Variants in HDAC11 observed in about 807,000 individuals in gnomAD.
HDAC11 encodes histone deacetylase 11.
Under a neutral mutation model 41.1 loss-of-function variants are expected in HDAC11, and 23 were observed. That is an observed-to-expected ratio of 0.56 (90% confidence interval 0.40 to 0.79). The LOEUF (loss-of-function observed/expected upper bound fraction) is 0.79. Among genes scored for constraint, HDAC11 ranks in the 30% least tolerant of loss-of-function variants. HDAC11 has a pLI of 0.00. For missense variants in HDAC11, 402 were observed against 477.3 expected (o/e 0.84, Z 1.47); for synonymous variants, 187 against 186.6 (o/e 1.00, Z -0.02).
At chr3:13,489,169 C>A (rs904493769) in intron 3 of HDAC11, among the ~76,000 whole-genome samples, 3 of 152,128 alleles carry the variant, frequency 2.0e-5, no homozygotes, top group African/African-American at 7.2e-5. Context: ...GTAAATAACT[C>A]CTCCCATTCT....
intron 3 of HDAC11, among the ~76,000 whole-genome samples, chr3:13,485,632 A>T (rs1701523835): frequency 6.6e-6 from 1 of 152,154 alleles, no homozygotes; most frequent in South Asian, 2.1e-4. Flanking sequence ...ATATATAATA[A>T]TACAAAATAG....
chr3:13,496,944 TTAG>T (rs1364280649), intron 4 of HDAC11, 92 bp downstream of exon 4: 4 of 588,484 alleles, frequency 6.8e-6, no homozygotes, highest in Admixed American at 3.9e-5. Flanking sequence ...CTCCTCCCAC[TTAG>T]TAGTTGAACA....
intron 5 of HDAC11, among the ~76,000 whole-genome samples, chr3:13,498,932 C>T (rs1413640682): frequency 6.6e-6 from 1 of 152,102 alleles, no homozygotes; most frequent in African/African-American, 2.4e-5. Context: ...AAGGACTCCA[C>T]CTGTGTCCTG....
chr3:13,489,465 G>C (rs1291584701), intron 3 of HDAC11, among the ~76,000 whole-genome samples: 1 of 152,158 alleles, frequency 6.6e-6, no homozygotes, highest in Non-Finnish European at 1.5e-5. Context: ...CCATTTGTTA[G>C]GCTGTTTTTC....
At chr3:13,484,609 C>T (rs1474503523) in intron 3 of HDAC11, among the ~76,000 whole-genome samples, 1 of 152,204 alleles carries the variant, frequency 6.6e-6, no homozygotes, top group Non-Finnish European at 1.5e-5. Flanking sequence ...TCACTGTAAC[C>T]TCCGCCTCCC....
chr3:13,500,490 G>T (rs1238034322), intron 5 of HDAC11, among the ~76,000 whole-genome samples: 1 of 152,196 alleles, frequency 6.6e-6, no homozygotes, highest in Non-Finnish European at 1.5e-5. Context: ...GGTGTGAGTG[G>T]CACTGAGGAC....
intron 3 of HDAC11, among the ~76,000 whole-genome samples, chr3:13,489,453 CA>C (rs1701746692): frequency 6.6e-6 from 1 of 152,230 alleles, no homozygotes; most frequent in South Asian, 2.1e-4. Context: ...GTTATCCCAG[CA>C]CCATTTGTTA....
chr3:13,488,938 C>G (rs959825788), intron 3 of HDAC11, among the ~76,000 whole-genome samples: 4 of 151,900 alleles, frequency 2.6e-5, no homozygotes, highest in Non-Finnish European at 5.9e-5. Flanking sequence ...TTTTTCCCCC[C>G]CAGTGTGGCC....
chr3:13,503,014 G>C (rs1559381731), intron 8 of HDAC11, 34 bp downstream of exon 8: 1 of 1,533,566 alleles, frequency 6.5e-7, no homozygotes, highest in Non-Finnish European at 9.0e-7. Flanking sequence ...TCTTGGGTGT[G>C]TCCTTGTGGA....
At chr3:13,486,094 C>T (rs953635114) in intron 3 of HDAC11, among the ~76,000 whole-genome samples, 9 of 151,664 alleles carry the variant, frequency 5.9e-5, no homozygotes, top group African/African-American at 1.7e-4. Flanking sequence ...ATGGAGAAAC[C>T]CTGTCTCTAC....
Position 13,498,471 on chromosome 3 carries a change from A to G in HDAC11, c.370-42A>G, listed in dbSNP as rs550641163. 44 of 1,613,110 alleles carry G rather than the reference A, an allele frequency of 2.7e-5. No individual in the cohort carries two copies. In the East Asian group the frequency reaches 9.4e-4, roughly 34 times the overall value. Reference sequence around the variant, plus strand: ...GAATCAGTGAATGAATGACTGGTGGATCGGCTGCCTGCGCCCCCTCACCCT... The same window carrying G: ...GAATCAGTGAATGAATGACTGGTGGGTCGGCTGCCTGCGCCCCCTCACCCT... On this transcript the variant is annotated intron_variant, in intron 4 of 9. Coordinates refer to ENST00000295757, the MANE Select transcript of HDAC11 (RefSeq NM_024827.4).
intron 3 of HDAC11, among the ~76,000 whole-genome samples, chr3:13,488,373 T>TCACTCCAAACATAG (rs1701693103): frequency 6.6e-6 from 1 of 152,206 alleles, no homozygotes; most frequent in Non-Finnish European, 1.5e-5. Flanking sequence ...GTTCCAAACA[T>TCACTCCAAACATAG]TTTCATCACT....
rs1337098879 is a variant in HDAC11 at position 13,500,731 on chromosome 3, G to A, written c.431G>A (p.Cys144Tyr). The A allele has an allele frequency of 6.3e-7, 1 of 1,597,042 alleles. No individual in the cohort carries two copies. The highest frequency in any genetic ancestry group is 8.5e-7 in the Non-Finnish European group (1 of 1,171,272). The stretch of plus-strand genomic sequence containing the variant: ...TCCGCAGGGGGTGGCTTCCACCACT[G>A]CTCCAGCGACCGTGGCGGGGGCTTC... ...AINVGGGFHH[C>Y]SSDRGGGFCA... Residue 144 changes from cysteine to tyrosine, a missense_variant, in exon 6 of 10, where the codon TGC becomes TAC. Transcript: ENST00000295757.
rs367910438 is a variant in HDAC11 at position 13,502,929 on chromosome 3, A to G, written c.598A>G (p.Ile200Val). The part of the protein sequence containing the change: ...RDFMDDKRVY[I>V]MDVYNRHIYP... ...CTTCATGGACGACAAGCGTGTGTAC[A>G]TCATGGATGTCTACAACCGCCACAT... Residue 200 changes from isoleucine to valine, a missense_variant, in exon 8 of 10, where the codon ATC (isoleucine) becomes GTC (valine). Ile to Val is a conservative substitution (Grantham distance 29, BLOSUM62 3). Coordinates refer to ENST00000295757, the MANE Select transcript of HDAC11 (RefSeq NM_024827.4). This position sits in a 1 kb window ranked among gnomAD's most constrained non-coding sequence, Gnocchi z 4.1. 1.9e-6 allele frequency: 3 copies of G among 1,613,614 alleles called. No homozygotes were observed. Among genetic ancestry groups the G allele is most frequent in the Non-Finnish European group, 2.5e-6 (3 of 1,179,934 alleles).
chr3:13,496,616 A>G (rs1386756109), intron 3 of HDAC11, 120 bp from the exon 4 acceptor site: 2 of 651,238 alleles, frequency 3.1e-6, no homozygotes, highest in Non-Finnish European at 5.5e-6. Context: ...GTGCTTGACC[A>G]GGGAGTTCAT....
chr3:13,497,884 C>G (rs1702175317), intron 4 of HDAC11, among the ~76,000 whole-genome samples: 1 of 108,632 alleles, frequency 9.2e-6, no homozygotes, highest in Non-Finnish European at 1.7e-5. Flanking sequence ...GAGACAGAGT[C>G]TCACTCTGTC....
intron 3 of HDAC11, among the ~76,000 whole-genome samples, chr3:13,486,684 TCTCCTGC>T (rs1040924222): frequency 3.3e-5 from 5 of 150,206 alleles, no homozygotes; most frequent in Admixed American, 2.0e-4. Flanking sequence ...TTCAAGCGAT[TCTCCTGC>T]CTCAGCCTCC....
chr3:13,502,855 C>T lies in HDAC11; in HGVS notation c.553-29C>T, dbSNP rs59204296. The T allele has an allele frequency of 0.021, 32,699 of 1,593,078 alleles. 392 individuals are homozygous for T. The highest frequency in any genetic ancestry group is 0.038 in the African/African-American group (2,859 of 74,592). On this transcript the variant is annotated intron_variant, in intron 7 of 9. Transcript: ENST00000295757. This position sits in a 1 kb window ranked among gnomAD's most constrained non-coding sequence, Gnocchi z 4.1. The stretch of plus-strand genomic sequence containing the variant: ...CCCAGCCTTGCCTAGGGCACCTACC[C>T]GAGAGCGGCTACTGTGACCTCCCCA...
intron 5 of HDAC11, among the ~76,000 whole-genome samples, chr3:13,498,930 C>T (rs762510098): frequency 2.0e-5 from 3 of 152,020 alleles, no homozygotes; most frequent in Admixed American, 6.6e-5. Context: ...TGAAGGACTC[C>T]ACCTGTGTCC....
Sources: gnomAD v4.1 joint callset for allele counts (sites outside exome capture counted in the v4.1 genomes callset) on GRCh38, gnomAD v4.1.1 for gene constraint, Gnocchi (gnomAD v3.1) non-coding constraint, MANE v1.5 for transcripts, NCBI Gene and HGNC (gene_info 2026-07-23, HGNC 2026-07-21) for gene names.